Variants in CTNNA3 observed in about 807,000 individuals in gnomAD.
CTNNA3 encodes catenin alpha-3.
CTNNA3 carries 76 observed loss-of-function variants against 95.7 expected under a neutral mutation model. That is an observed-to-expected ratio of 0.79 (90% CI 0.66 to 0.96). CTNNA3 has a LOEUF of 0.96. Among genes scored for constraint, CTNNA3 ranks in the 40% least tolerant of loss-of-function variants. The probability of loss-of-function intolerance (pLI) is 0.00; values close to 1 mark genes in which losing one functional copy is unlikely to be tolerated. For missense variants in CTNNA3, 1,191 were observed against 1,089.8 expected (o/e 1.09, Z -1.31); for synonymous variants, 431 against 374.4 (o/e 1.15, Z -1.74).
chr10:67,447,265 T>C (rs1384804134), intron 5 of CTNNA3, among the ~76,000 whole-genome samples: 2 of 152,220 alleles, frequency 1.3e-5, no homozygotes, highest in Non-Finnish European at 2.9e-5. Context: ...TAGTTATTGT[T>C]TATCTTAAAA....
At chr10:67,547,341 T>A (rs116367450) in intron 3 of CTNNA3, among the ~76,000 whole-genome samples, 1,856 of 152,310 alleles carry the variant, frequency 0.012, 45 homozygotes, top group African/African-American at 0.042. Flanking sequence ...GATCACTCAA[T>A]CATTTTAAAA....
chr10:67,009,158 C>T (rs1250107066), intron 7 of CTNNA3, among the ~76,000 whole-genome samples: 2 of 152,010 alleles, frequency 1.3e-5, no homozygotes, highest in Non-Finnish European at 2.9e-5. Context: ...ATACAGAATG[C>T]CATTAAAATC....
intron 11 of CTNNA3, among the ~76,000 whole-genome samples, chr10:66,508,637 T>C (rs1197164266): frequency 6.6e-6 from 1 of 152,130 alleles, no homozygotes; most frequent in East Asian, 1.9e-4. Context: ...AGTGAGAAGA[T>C]ATGGTGTTTG....
intron 13 of CTNNA3, among the ~76,000 whole-genome samples, chr10:66,271,875 G>A (rs890732478): frequency 6.6e-6 from 1 of 152,150 alleles, no homozygotes; most frequent in Admixed American, 6.5e-5. Flanking sequence ...AACTAGCGCG[G>A]CTTTTGTAGC....
At chr10:67,726,607 A>T (rs1162748073) in intron 1 of CTNNA3, among the ~76,000 whole-genome samples, 1 of 34,024 alleles carries the variant, frequency 2.9e-5, no homozygotes, top group African/African-American at 9.3e-5. Context: ...ATTACATATT[A>T]TATAATATAT....
At chr10:66,502,311 C>A (rs566039942) in intron 11 of CTNNA3, among the ~76,000 whole-genome samples, 6 of 152,238 alleles carry the variant, frequency 3.9e-5, no homozygotes, top group Admixed American at 2.6e-4. Flanking sequence ...GGCACAGACT[C>A]ATCTATGTCA....
intron 7 of CTNNA3, among the ~76,000 whole-genome samples, chr10:66,965,203 T>C (rs1023514391): frequency 5.3e-5 from 8 of 151,886 alleles, no homozygotes; most frequent in Non-Finnish European, 1.0e-4. Context: ...CTCCTCCAGG[T>C]TGTGTTTAAA....
intron 10 of CTNNA3, among the ~76,000 whole-genome samples, chr10:66,529,859 T>C (rs1365701936): frequency 6.6e-6 from 1 of 152,172 alleles, no homozygotes; most frequent in Admixed American, 6.5e-5. Flanking sequence ...TTCACTTTGC[T>C]TTAAACTGAT....
intron 5 of CTNNA3, among the ~76,000 whole-genome samples, chr10:67,332,782 C>T (rs1158791801): frequency 6.6e-6 from 1 of 152,152 alleles, no homozygotes; most frequent in Non-Finnish European, 1.5e-5. Flanking sequence ...TCTCCTACAG[C>T]TCTAACTCTG....
intron 12 of CTNNA3, among the ~76,000 whole-genome samples, chr10:66,360,802 T>A: frequency 1.2e-5 from 1 of 80,212 alleles, no homozygotes; most frequent in East Asian, 3.9e-4. Flanking sequence ...CCTTCCTTCC[T>A]TCCTTCCTTC....
At chr10:67,518,436 G>T (rs1839885289) in intron 5 of CTNNA3, among the ~76,000 whole-genome samples, 1 of 152,122 alleles carries the variant, frequency 6.6e-6, no homozygotes, top group East Asian at 1.9e-4. Flanking sequence ...ATAGTATGCC[G>T]TGATCAGAGA....
At chr10:67,181,362 G>A (rs1440628385) in intron 6 of CTNNA3, among the ~76,000 whole-genome samples, 4 of 152,134 alleles carry the variant, frequency 2.6e-5, no homozygotes, top group Non-Finnish European at 4.4e-5. Context: ...AAGAAAAGAT[G>A]GAAGGTATAT....
At chr10:65,996,149 C>T (rs2078652933) in intron 15 of CTNNA3, among the ~76,000 whole-genome samples, 2 of 152,168 alleles carry the variant, frequency 1.3e-5, no homozygotes, top group Admixed American at 1.3e-4. Context: ...GAAGTATACG[C>T]TTCAGTGTCC....
chr10:66,874,286 A>T (rs1404882330), intron 7 of CTNNA3, among the ~76,000 whole-genome samples: 3 of 152,154 alleles, frequency 2.0e-5, no homozygotes, highest in African/African-American at 7.2e-5. Context: ...CCGCCTCCAT[A>T]ATTGGAGGAC....
intron 5 of CTNNA3, among the ~76,000 whole-genome samples, chr10:67,463,000 G>T (rs1009662804): frequency 4.0e-5 from 6 of 151,346 alleles, no homozygotes; most frequent in African/African-American, 1.5e-4. Flanking sequence ...TACCTCCCAG[G>T]TTCAAGCAAT....
chr10:66,422,985 G>T (rs72808716), intron 11 of CTNNA3, among the ~76,000 whole-genome samples: 40,202 of 151,746 alleles, frequency 0.26, 5,484 homozygotes, highest in South Asian at 0.39. Flanking sequence ...GGAGGTAGGG[G>T]GGCAGCTTTA....
At chr10:66,454,913 A>G (rs1231414650) in intron 11 of CTNNA3, among the ~76,000 whole-genome samples, 1 of 152,114 alleles carries the variant, frequency 6.6e-6, no homozygotes, top group Non-Finnish European at 1.5e-5. Flanking sequence ...GCATGTGTGT[A>G]TGTATGTCTG....
intron 15 of CTNNA3, among the ~76,000 whole-genome samples, chr10:66,059,536 T>A (rs948899965): frequency 6.6e-6 from 1 of 150,998 alleles, no homozygotes; most frequent in African/African-American, 2.4e-5. Context: ...CGTCTGCTCC[T>A]AACTGTTATC....
intron 15 of CTNNA3, among the ~76,000 whole-genome samples, chr10:66,044,985 T>C (rs1456520454): frequency 6.6e-6 from 1 of 152,174 alleles, no homozygotes; most frequent in Non-Finnish European, 1.5e-5. Flanking sequence ...CAGGATTCAA[T>C]AGTGGTGTGT....
Sources: gnomAD v4.1 joint callset for allele counts (sites outside exome capture counted in the v4.1 genomes callset) on GRCh38, gnomAD v4.1.1 for gene constraint, MANE v1.5 for transcripts, NCBI Gene and HGNC (gene_info 2026-07-23, HGNC 2026-07-21) for gene names.